QRICH1: variants seen among roughly 807,000 people sequenced by gnomAD.
QRICH1 encodes the protein glutamine rich 1, also known as transcriptional regulator QRICH1.
A neutral mutation model predicts 87.1 loss-of-function variants in QRICH1; 16 were observed. The observed-to-expected ratio is 0.18, with a 90% CI of 0.12 to 0.28. QRICH1 has a LOEUF of 0.28. Among genes scored for constraint, QRICH1 ranks in the 10% least tolerant of loss-of-function variants. The pLI is 1.00. For missense variants in QRICH1, 647 were observed against 951.7 expected (o/e 0.68, Z 4.21); for synonymous variants, 367 against 368.4 (o/e 1.00, Z 0.05).
At chr3:49,037,790 C>T (rs1044044390) in intron 6 of QRICH1, among the ~76,000 whole-genome samples, 2 of 151,102 alleles carry the variant, frequency 1.3e-5, no homozygotes, top group African/African-American at 4.9e-5. Context: ...CCACACCAGC[C>T]TGACCTGGTG....
Position 49,057,585 on chromosome 3 carries a change from A to G in QRICH1, c.615T>C (p.Leu205=). The G allele has an allele frequency of 2.5e-6, 4 of 1,613,802 alleles. No homozygotes were observed. The highest frequency in any genetic ancestry group is 3.4e-6 in the Non-Finnish European group (4 of 1,179,764). ...IQAQLVAGQS[L]AGGQQIQIQT... ...GGATTTGGATCTGCTGACCACCAGC[A>G]AGAGACTGGCCAGCCACCAGCTGAG... The change falls in exon 3 of 10, where the codon CTT becomes CTC. Residue 205 remains leucine, a synonymous_variant. Transcript: ENST00000395443. This position sits in a 1 kb window ranked among gnomAD's most constrained non-coding sequence, Gnocchi z 5.4.
At chr3:49,086,565 A>G (rs1253926558) in intron 1 of QRICH1, among the ~76,000 whole-genome samples, 1 of 151,906 alleles carries the variant, frequency 6.6e-6, no homozygotes, top group African/African-American at 2.4e-5. Flanking sequence ...ATTTCCTCCT[A>G]CTGGAGCTTA....
At chr3:49,045,201 G>A (rs1020625919) in intron 5 of QRICH1, among the ~76,000 whole-genome samples, 1 of 151,936 alleles carries the variant, frequency 6.6e-6, no homozygotes, top group Non-Finnish European at 1.5e-5. Context: ...CAAATAAGTA[G>A]TTAGTGCAGG....
chr3:49,030,247 C>T lies in QRICH1; in HGVS notation c.*205G>A. The T allele has an allele frequency of 1.8e-6, 1 of 566,372 alleles. No individual in the cohort carries two copies. The highest frequency in any genetic ancestry group is 3.1e-6 in the Non-Finnish European group (1 of 326,882). 35.1% of individuals were successfully genotyped at this position (566,372 alleles called of 1,614,324 possible). On this transcript the variant is annotated 3_prime_UTR_variant, in exon 10 of 10. Coordinates refer to ENST00000395443, the MANE Select transcript of QRICH1 (RefSeq NM_198880.3). ...GACACTCAAGGAAACCCAGAGCCACCATCGGCTGAGGAGTCTGCCGCAGCA... is the reference window on the plus strand; with the variant it reads ...GACACTCAAGGAAACCCAGAGCCACTATCGGCTGAGGAGTCTGCCGCAGCA...
intron 2 of QRICH1, among the ~76,000 whole-genome samples, chr3:49,073,081 T>C (rs1298217912): frequency 6.6e-6 from 1 of 151,864 alleles, no homozygotes; most frequent in Non-Finnish European, 1.5e-5. Context: ...AAACCTTCTA[T>C]CTCACCAGGC....
intron 9 of QRICH1, among the ~76,000 whole-genome samples, chr3:49,030,997 T>A (rs1281126902): frequency 6.6e-6 from 1 of 150,678 alleles, no homozygotes; most frequent in Non-Finnish European, 1.5e-5. Flanking sequence ...TGCGCTTTTT[T>A]TTTTTTTTTT....
chr3:49,067,810 C>G (rs1204132240), intron 2 of QRICH1, among the ~76,000 whole-genome samples: 2 of 151,932 alleles, frequency 1.3e-5, no homozygotes, highest in African/African-American at 2.4e-5. Context: ...TGGTAAAACC[C>G]TGTCTCTCCT....
rs144783699 is a variant in QRICH1 at position 49,068,454 on chromosome 3, T to A, written c.309+8255A>T. Among the ~76,000 whole-genome samples the A allele has an allele frequency of 7.3e-3, 851 of 115,994 alleles. 9 individuals carry two copies. Among genetic ancestry groups the A allele is most frequent in the African/African-American group, 0.027 (809 of 30,096 alleles). The allele number at this position is 115,994 out of a possible 152,430, so 76.1% of individuals were successfully genotyped here. A position where few individuals can be genotyped will look rare whatever the true frequency, so the allele number is the denominator to read the frequency against. On this transcript the variant is annotated intron_variant, in intron 2 of 9. Coordinates refer to ENST00000395443, the MANE Select transcript of QRICH1 (RefSeq NM_198880.3). ...GCCTGGGTGACAGAGCAGGACTCCG[T>A]CTCAAAAAAATTAAAAAAAAAAAAA...
intron 3 of QRICH1, among the ~76,000 whole-genome samples, chr3:49,055,997 C>CA (rs1219142808): frequency 1.3e-5 from 2 of 151,770 alleles, no homozygotes; most frequent in South Asian, 4.2e-4. Flanking sequence ...TTTCTTTTGA[C>CA]AGAGTTTTGC....
chr3:49,055,058 C>G (rs2093393082), intron 3 of QRICH1, among the ~76,000 whole-genome samples: 1 of 152,182 alleles, frequency 6.6e-6, no homozygotes, highest in African/African-American at 2.4e-5. Flanking sequence ...TGAGTTCTTA[C>G]TTTTCACAAC....
chr3:49,072,720 C>T lies in QRICH1; in HGVS notation c.309+3989G>A, dbSNP rs181162325. 1.2e-3 allele frequency among the ~76,000 whole-genome samples: 180 copies of T among 152,110 alleles called. 2 individuals are homozygous for T. Among genetic ancestry groups the T allele is most frequent in the African/African-American group, 4.1e-3 (170 of 41,518 alleles). On this transcript the variant is annotated intron_variant, in intron 2 of 9. Transcript: ENST00000395443. ...TCAGAGGCTATGTCCTTCCAATATACTCGTCTGCATTTTTGAGGAGCTACA... is the reference window on the plus strand; with the variant it reads ...TCAGAGGCTATGTCCTTCCAATATATTCGTCTGCATTTTTGAGGAGCTACA...
intron 2 of QRICH1, among the ~76,000 whole-genome samples, chr3:49,058,809 G>T (rs1317893567): frequency 1.3e-5 from 2 of 151,964 alleles, no homozygotes; most frequent in Non-Finnish European, 2.9e-5. Context: ...TGCATTTTTA[G>T]TAGAGACAGG....
intron 6 of QRICH1, among the ~76,000 whole-genome samples, chr3:49,040,338 C>G (rs547527959): frequency 1.3e-5 from 2 of 152,212 alleles, no homozygotes; most frequent in African/African-American, 4.8e-5. Context: ...CTAGGCGCAG[C>G]AGCTCACACC....
chr3:49,045,573 G>A (rs2093334419), intron 5 of QRICH1, among the ~76,000 whole-genome samples: 1 of 151,904 alleles, frequency 6.6e-6, no homozygotes, highest in Non-Finnish European at 1.5e-5. Flanking sequence ...TGGGACTACA[G>A]GTGTGTGCCA....
chr3:49,059,329 A>T (rs1307686308), intron 2 of QRICH1, among the ~76,000 whole-genome samples: 1 of 151,600 alleles, frequency 6.6e-6, no homozygotes, highest in Non-Finnish European at 1.5e-5. Context: ...ATAAGATGAT[A>T]GGGCACTTTA....
At chr3:49,047,040 A>G (rs2093342874) in intron 4 of QRICH1, 29 bp downstream of exon 4, 1 of 1,592,580 alleles carries the variant, frequency 6.3e-7, no homozygotes, top group Non-Finnish European at 8.6e-7. Context: ...CATTTTAGAC[A>G]CAGCCCACTC....
chr3:49,073,966 A>G (rs956129924), intron 2 of QRICH1, among the ~76,000 whole-genome samples: 6 of 151,814 alleles, frequency 4.0e-5, no homozygotes, highest in African/African-American at 1.5e-4. Context: ...TATTTTTTGT[A>G]GAGACGGGGT....
At chr3:49,081,860 T>A (rs552260907) in intron 1 of QRICH1, among the ~76,000 whole-genome samples, 8 of 151,366 alleles carry the variant, frequency 5.3e-5, no homozygotes, top group African/African-American at 1.5e-4. Context: ...CAGGTTGGAG[T>A]GCAGTGGCGT....
rs138811620 is a variant in QRICH1, at chr3:49,072,086, T to C, written c.309+4623A>G. Among the ~76,000 whole-genome samples the C allele has an allele frequency of 3.0e-3, 452 of 152,206 alleles. 4 individuals are homozygous for C. The highest frequency in any genetic ancestry group is 0.01 in the African/African-American group (430 of 41,538). ...TGGCTCATGCCTACAATCCCAGCACTTTGGGAGGCCGAGGTTGGCAGATCA... is the reference window on the plus strand; with the variant it reads ...TGGCTCATGCCTACAATCCCAGCACCTTGGGAGGCCGAGGTTGGCAGATCA... On this transcript the variant is annotated intron_variant, in intron 2 of 9. Coordinates refer to ENST00000395443, the MANE Select transcript of QRICH1 (RefSeq NM_198880.3).
Sources: gnomAD v4.1 joint callset for allele counts (sites outside exome capture counted in the v4.1 genomes callset) on GRCh38, gnomAD v4.1.1 for gene constraint, Gnocchi (gnomAD v3.1) non-coding constraint, MANE v1.5 for transcripts, NCBI Gene and HGNC (gene_info 2026-07-23, HGNC 2026-07-21) for gene names.